The following OPCML variants were observed in gnomAD, a reference collection of about 807,000 sequenced individuals.
OPCML encodes opioid-binding protein/cell adhesion molecule.
In OPCML, 13 loss-of-function variants were observed where a neutral mutation model predicts 37.8. The ratio of observed to expected loss-of-function variants is 0.34; its 90% CI spans 0.22 to 0.55. The LOEUF (loss-of-function observed/expected upper bound fraction) is 0.55, where lower values mean the gene tolerates loss of function less well. Among genes scored for constraint, OPCML ranks in the 20% least tolerant of loss-of-function variants. The pLI is 0.91. For synonymous variants in OPCML, 176 were observed against 168.8 expected (o/e 1.04, Z -0.33); for missense variants, 341 against 435.6 (o/e 0.78, Z 1.93).
chr11:133,005,795 G>C (rs1217144031), intron 1 of OPCML: 11 of 984,622 alleles, frequency 1.1e-5, no homozygotes, highest in Non-Finnish European at 1.3e-5. Context: ...CTTCAATTAG[G>C]AGATGGGCAT....
intron 1 of OPCML, among the ~76,000 whole-genome samples, chr11:133,260,051 G>C (rs1484399168): frequency 6.6e-6 from 1 of 151,916 alleles, no homozygotes; most frequent in Non-Finnish European, 1.5e-5. Flanking sequence ...TCTGGGATTA[G>C]GGATACGATT....
chr11:133,314,399 G>A (rs183460642), intron 1 of OPCML, among the ~76,000 whole-genome samples: 2 of 151,942 alleles, frequency 1.3e-5, no homozygotes, highest in Admixed American at 1.3e-4. Flanking sequence ...GGAACCAATT[G>A]TAAACATTTC....
At chr11:133,272,563 G>A (rs1046505455) in intron 1 of OPCML, among the ~76,000 whole-genome samples, 11 of 152,278 alleles carry the variant, frequency 7.2e-5, no homozygotes, top group Non-Finnish European at 1.5e-4. Flanking sequence ...TGAAAGCCAT[G>A]CTCCTTCCCC....
At chr11:132,779,885 T>G (rs188284709) in intron 2 of OPCML, among the ~76,000 whole-genome samples, 2 of 152,360 alleles carry the variant, frequency 1.3e-5, no homozygotes, top group Non-Finnish European at 2.9e-5. Context: ...TACAATTTTC[T>G]TCTTGCTCTT....
intron 2 of OPCML, among the ~76,000 whole-genome samples, chr11:132,791,925 T>C (rs139526434): frequency 0.016 from 2,429 of 152,256 alleles, 26 homozygotes; most frequent in Middle Eastern, 0.031. Flanking sequence ...CTGGTGGTGA[T>C]TAGTACAAGG....
In OPCML at chr11:132,693,598, G is replaced by A. The variant is rs947503406; in HGVS notation, c.147-36279C>T. Among the ~76,000 whole-genome samples the A allele has an allele frequency of 7.2e-5, 11 of 152,320 alleles. 1 individual carries two copies. The highest frequency in any genetic ancestry group is 6.8e-3 in the Middle Eastern group (2 of 294). ...AGCCATACTTCATGGTAAGTGTTCT[G>A]AAGCATTCTTGCCAAATGAGAAATC... On this transcript the variant is annotated intron_variant, in intron 2 of 7. Coordinates refer to ENST00000524381, the MANE Select transcript of OPCML (RefSeq NM_001012393.5).
At chr11:132,828,193 G>A (rs989385420) in intron 2 of OPCML, among the ~76,000 whole-genome samples, 3 of 152,098 alleles carry the variant, frequency 2.0e-5, no homozygotes, top group Non-Finnish European at 4.4e-5. Flanking sequence ...TCTGGAAAAG[G>A]CACAATTATA....
Position 132,554,196 on chromosome 11 carries a change from C to T in OPCML, c.380-25010G>A, listed in dbSNP as rs148842895. On this transcript the variant is annotated intron_variant, in intron 3 of 7. Transcript: ENST00000524381. ...CAAATTATCAGGCAAATTCCGATTTCCTTCACCCCATGTCAGTCTGCTGTT... is the reference window on the plus strand; with the variant it reads ...CAAATTATCAGGCAAATTCCGATTTTCTTCACCCCATGTCAGTCTGCTGTT... Among the ~76,000 whole-genome samples the T allele has an allele frequency of 3.5e-4, 54 of 152,324 alleles. No homozygotes were observed. The South Asian group carries it at 7.5e-3, about 21-fold the overall frequency.
intron 1 of OPCML, chr11:133,302,260 CCATGCTGTTCT>C: frequency 6.6e-6 from 1 of 152,238 alleles, no homozygotes; most frequent in East Asian, 1.9e-4. Context: ...GGCGGTTCCC[CCATGCTGTTCT>C]CATGATAGTG....
chr11:132,697,960 T>A (rs945557124), intron 2 of OPCML, among the ~76,000 whole-genome samples: 7 of 145,554 alleles, frequency 4.8e-5, no homozygotes, highest in Admixed American at 6.8e-5. Context: ...TATATTAATT[T>A]ATTTTATTTT....
chr11:133,143,669 G>A (rs1436188121), intron 1 of OPCML, among the ~76,000 whole-genome samples: 2 of 152,172 alleles, frequency 1.3e-5, no homozygotes, highest in Non-Finnish European at 2.9e-5. Context: ...TGAGATAAAG[G>A]AGGCATGAAT....
At chr11:132,420,321 A>C in intron 7 of OPCML, 28 bp from the exon 8 acceptor site, 3 of 1,612,190 alleles carry the variant, frequency 1.9e-6, no homozygotes, top group Non-Finnish European at 2.5e-6. Flanking sequence ...AGACAGACCC[A>C]TTAGCATACA....
intron 1 of OPCML, among the ~76,000 whole-genome samples, chr11:133,397,909 A>T (rs1945321539): frequency 6.6e-6 from 1 of 152,236 alleles, no homozygotes; most frequent in Non-Finnish European, 1.5e-5. Context: ...TGATTTGGTG[A>T]AGGCATTTCT....
chr11:132,738,674 G>T (rs1466912903), intron 2 of OPCML, among the ~76,000 whole-genome samples: 5 of 152,182 alleles, frequency 3.3e-5, no homozygotes, highest in African/African-American at 1.2e-4. Flanking sequence ...AGAGCTGTTT[G>T]TCATACTGTA....
At chr11:132,439,695 G>A (rs964448031) in intron 4 of OPCML, among the ~76,000 whole-genome samples, 3 of 50,856 alleles carry the variant, frequency 5.9e-5, no homozygotes, top group African/African-American at 1.3e-4. Context: ...CAGACACCTC[G>A]CCATTTTTTT....
chr11:132,813,681 ACT>A (rs1939472876), intron 2 of OPCML, among the ~76,000 whole-genome samples: 1 of 152,124 alleles, frequency 6.6e-6, no homozygotes, highest in Non-Finnish European at 1.5e-5. Flanking sequence ...TCCTTTATCC[ACT>A]GTTTTTTGTC....
At chr11:133,077,349 G>A (rs149029699) in intron 1 of OPCML, among the ~76,000 whole-genome samples, 6 of 152,122 alleles carry the variant, frequency 3.9e-5, no homozygotes, top group African/African-American at 1.2e-4. Flanking sequence ...TGGGCTCGGC[G>A]TGATACCTTT....
At chr11:133,429,658 G>A (rs1320666100) in intron 1 of OPCML, among the ~76,000 whole-genome samples, 1 of 152,154 alleles carries the variant, frequency 6.6e-6, no homozygotes, top group Admixed American at 6.5e-5. Context: ...TACTGAAGGT[G>A]TGAAAGTGAG....
intron 1 of OPCML, among the ~76,000 whole-genome samples, chr11:133,506,370 G>A (rs911825038): frequency 1.3e-5 from 2 of 152,108 alleles, no homozygotes; most frequent in Non-Finnish European, 2.9e-5. Context: ...AAATGGCTTG[G>A]CACATAAAAA....
Sources: gnomAD v4.1 joint callset for allele counts (sites outside exome capture counted in the v4.1 genomes callset) on GRCh38, gnomAD v4.1.1 for gene constraint, MANE v1.5 for transcripts, NCBI Gene and HGNC (gene_info 2026-07-23, HGNC 2026-07-21) for gene names.